ZNF536: variants seen among roughly 807,000 people sequenced by gnomAD.
ZNF536 encodes the protein zinc finger protein 536.
In ZNF536, 13 loss-of-function variants were observed where a neutral mutation model predicts 84.5. That is an observed-to-expected ratio of 0.15 (90% CI 0.10 to 0.24). The LOEUF (loss-of-function observed/expected upper bound fraction) is 0.24. Among genes scored for constraint, ZNF536 ranks in the 10% least tolerant of loss-of-function variants. The pLI is 1.00. For missense variants in ZNF536, 1,536 were observed against 1,747.5 expected (o/e 0.88, Z 2.16); for synonymous variants, 811 against 742.5 (o/e 1.09, Z -1.50).
chr19:30,322,973 A>C (rs2046906480), intron 2 of ZNF536, among the ~76,000 whole-genome samples: 1 of 152,194 alleles, frequency 6.6e-6, no homozygotes, highest in Non-Finnish European at 1.5e-5. Context: ...TGGCAGAGGT[A>C]CTGGGTCAGA....
intron 1 of ZNF536, chr19:30,665,341 C>CA (rs2050276338): frequency 6.6e-6 from 1 of 152,026 alleles, no homozygotes; most frequent in Non-Finnish European, 1.5e-5. Flanking sequence ...GAAACTCCAT[C>CA]AAAAAATAAT....
chr19:30,553,074 G>A (rs973708995), intron 4 of ZNF536, among the ~76,000 whole-genome samples: 1 of 152,190 alleles, frequency 6.6e-6, no homozygotes, highest in Non-Finnish European at 1.5e-5. Context: ...CTGTCAAAGA[G>A]CATAATGTAC....
intron 2 of ZNF536, among the ~76,000 whole-genome samples, chr19:30,292,114 G>C (rs1288629268): frequency 2.6e-5 from 4 of 152,148 alleles, no homozygotes; most frequent in Admixed American, 1.3e-4. Flanking sequence ...CCTATGGTAA[G>C]TGTTATATGC....
At chr19:30,284,133 A>T (rs1415489563) in exon 2 of ZNF536, 1 of 152,128 alleles carries the variant, frequency 6.6e-6, no homozygotes, top group Non-Finnish European at 1.5e-5. Context: ...TTGCTTTAAG[A>T]CTTGCCTGGT....
chr19:30,573,621 C>A (rs773962363), intron 1 of ZNF536, among the ~76,000 whole-genome samples: 1 of 152,178 alleles, frequency 6.6e-6, no homozygotes, highest in African/African-American at 2.4e-5. Flanking sequence ...CCTCACGGAC[C>A]AAGACTGTCC....
At position 30,548,241 on chromosome 19, in the gene ZNF536, G is replaced by A. The variant is rs142296958; in HGVS notation, c.2622G>A (p.Thr874=). The change falls in exon 4 of 5, where the codon ACG becomes ACA. Residue 874 remains threonine (T), a synonymous_variant. Coordinates refer to ENST00000355537, the MANE Select transcript of ZNF536 (RefSeq NM_014717.3). ...LSSGDHSGQA[T]GMSSEVPSDA... is the part of the protein sequence containing the mutation. ...CTGGAGATCACTCGGGGCAGGCCACGGGCATGTCTTCGGAGGTCCCCTCAG... is the reference window on the plus strand; with the variant it reads ...CTGGAGATCACTCGGGGCAGGCCACAGGCATGTCTTCGGAGGTCCCCTCAG... The A allele has an allele frequency of 6.1e-5, 98 of 1,614,074 alleles. No individual in the cohort carries two copies. The African/African-American group carries it at 8.3e-4, about 14-fold the overall frequency.
At chr19:30,344,890 C>T (rs2047691586) in intron 2 of ZNF536, among the ~76,000 whole-genome samples, 1 of 152,166 alleles carries the variant, frequency 6.6e-6, no homozygotes, top group Admixed American at 6.5e-5. Flanking sequence ...CTTGTCACTA[C>T]GTGATACTGC....
chr19:30,489,421 A>C (rs2054421409), intron 2 of ZNF536, among the ~76,000 whole-genome samples: 1 of 151,992 alleles, frequency 6.6e-6, no homozygotes, highest in Admixed American at 6.6e-5. Context: ...CTCTACAAAA[A>C]ATTTTTAAAA....
intron 1 of ZNF536, among the ~76,000 whole-genome samples, chr19:30,701,646 T>C (rs1203544747): frequency 6.6e-6 from 1 of 152,198 alleles, no homozygotes. Flanking sequence ...CAGAGGCCCC[T>C]CTTTGTAGAG....
At chr19:30,697,219 T>C (rs2051699831) in intron 1 of ZNF536, among the ~76,000 whole-genome samples, 1 of 152,016 alleles carries the variant, frequency 6.6e-6, no homozygotes, top group African/African-American at 2.4e-5. Context: ...ATGGGGGAAA[T>C]GGTCCCCATG....
chr19:30,399,211 T>C (rs1237135445), intron 1 of ZNF536, among the ~76,000 whole-genome samples: 1 of 152,238 alleles, frequency 6.6e-6, no homozygotes, highest in Non-Finnish European at 1.5e-5. Context: ...TGCATAAATG[T>C]CTTCTTTCGA....
At chr19:30,662,318 C>G (rs2050148960) in intron 1 of ZNF536, among the ~76,000 whole-genome samples, 1 of 152,188 alleles carries the variant, frequency 6.6e-6, no homozygotes, top group African/African-American at 2.4e-5. Flanking sequence ...TGATTTTTTA[C>G]ATTAAGTCCC....
At chr19:30,367,940 A>G (rs574453559), upstream of ZNF536, among the ~76,000 whole-genome samples, 3 of 152,036 alleles carry the variant, frequency 2.0e-5, no homozygotes, top group South Asian at 6.2e-4. Flanking sequence ...TAAGCACAGC[A>G]TTTTCTCATA....
In ZNF536 at chr19:30,415,284, CCTTCTT is replaced by C. The variant is rs527266201; in HGVS notation, c.-2-28259_-2-28254del. 5.3e-3 allele frequency among the ~76,000 whole-genome samples: 633 copies of C among 120,174 alleles called. 8 individuals carry two copies. Among genetic ancestry groups the C allele is most frequent in the African/African-American group, 0.019 (568 of 29,976 alleles). 78.8% of individuals were successfully genotyped at this position (120,174 alleles called of 152,430 possible). On this transcript the variant is annotated intron_variant, in intron 1 of 4. Transcript: ENST00000355537. ...TTCTCCTCCTCCTGCTCCTCCTCCT[CCTTCTT>C]CTTCTTCTTCTTCTTCTCCTTCTCC...
intron 1 of ZNF536, among the ~76,000 whole-genome samples, chr19:30,283,738 AGAGG>A (rs1440461747): frequency 3.3e-4 from 47 of 141,914 alleles, no homozygotes; most frequent in African/African-American, 1.3e-3. Flanking sequence ...AAAGAGAGAG[AGAGG>A]GAGAGAGAGA....
chr19:30,436,786 G>A lies in ZNF536; in HGVS notation c.-2-6775G>A, dbSNP rs111821743. Among the ~76,000 whole-genome samples, 399 of 152,302 alleles carry A rather than the reference G, an allele frequency of 2.6e-3. 1 individual carries two copies. Among genetic ancestry groups the A allele is most frequent in the African/African-American group, 9.2e-3 (383 of 41,568 alleles). ...GCTTCAGGGACAGACTGAGGGTCACGTGAGCCTCCAGGAATGGGGTCTGCC... is the reference window on the plus strand; with the variant it reads ...GCTTCAGGGACAGACTGAGGGTCACATGAGCCTCCAGGAATGGGGTCTGCC... On this transcript the variant is annotated intron_variant, in intron 1 of 4. Coordinates refer to ENST00000355537, the MANE Select transcript of ZNF536 (RefSeq NM_014717.3).
chr19:30,319,370 T>A (rs1443782787), intron 2 of ZNF536, among the ~76,000 whole-genome samples: 5 of 152,250 alleles, frequency 3.3e-5, no homozygotes, highest in African/African-American at 9.6e-5. Context: ...CTGATGTTTT[T>A]TTTTTGCGAA....
At chr19:30,229,665 A>C (rs1361435146) in intron 1 of ZNF536, among the ~76,000 whole-genome samples, 4 of 152,194 alleles carry the variant, frequency 2.6e-5, no homozygotes, top group Non-Finnish European at 4.4e-5. Context: ...CTTCTGGCTG[A>C]AGGCTGCTTT....
At chr19:30,547,416 A>G (rs901498624) in intron 3 of ZNF536, among the ~76,000 whole-genome samples, 2 of 152,242 alleles carry the variant, frequency 1.3e-5, no homozygotes, top group Non-Finnish European at 2.9e-5. Flanking sequence ...CTTGTGCAGT[A>G]TGCCATTTGC....
Sources: allele counts gnomAD v4.1 joint callset (sites outside exome capture counted in the v4.1 genomes callset), GRCh38; gene constraint gnomAD v4.1.1; transcripts MANE v1.5; gene names NCBI Gene and HGNC (gene_info 2026-07-23, HGNC 2026-07-21).